UBQLN4: variants seen among roughly 807,000 people sequenced by gnomAD.
UBQLN4 encodes the protein ubiquilin-4.
A neutral mutation model predicts 60.4 loss-of-function variants in UBQLN4; 11 were observed. That is an observed-to-expected ratio of 0.18 (90% CI 0.11 to 0.30). The LOEUF (loss-of-function observed/expected upper bound fraction) is 0.30. UBQLN4 is among the 10% of genes least tolerant of loss of function. UBQLN4 has a pLI of 1.00. For missense variants in UBQLN4, 417 were observed against 795.5 expected, an observed-to-expected ratio of 0.52 and a Z score of 5.72; for synonymous variants, 258 against 313.1, an observed-to-expected ratio of 0.82 and a Z score of 1.86.
At position 156,052,452 on chromosome 1, in the gene UBQLN4, G is replaced by A. The variant is rs978863306; in HGVS notation, c.109-595C>T. 3.9e-5 allele frequency among the ~76,000 whole-genome samples: 6 copies of A among 152,134 alleles called. No individual in the cohort carries two copies. The East Asian group carries it at 5.8e-4, about 15-fold the overall frequency. On this transcript the variant is annotated intron_variant, in intron 1 of 10. Transcript: ENST00000368309. ...AGTGATTCTCCTGCTTCAGCCTCCC[G>A]AGTGTCTGGGACTACAGGCACACAC...
Position 156,036,391 on chromosome 1 carries a change from T to C in UBQLN4, c.*587A>G. 2.0e-6 allele frequency: 2 copies of C among 985,766 alleles called. No homozygotes were observed. Among genetic ancestry groups the C allele is most frequent in the Non-Finnish European group, 2.4e-6 (2 of 830,096 alleles). The allele number at this position is 985,766 out of a possible 1,614,324, so 61.1% of individuals were successfully genotyped here. On this transcript the variant is annotated 3_prime_UTR_variant, in exon 11 of 11. Transcript: ENST00000368309. ...CCTCTTCAGACAGGGAGAACAGGCA[T>C]CTTCCTCCTTACCCTGGAATTTCCA...
At chr1:156,034,823 T>TTATATA (rs1558083065), downstream of UBQLN4, among the ~76,000 whole-genome samples, 10 of 35,870 alleles carry the variant, frequency 2.8e-4, no homozygotes, top group Admixed American at 7.6e-4. Context: ...TCCCTTAACC[T>TTATATA]TCTATATATA....
chr1:156,051,720 G>A lies in UBQLN4; in HGVS notation c.246C>T (p.Ile82=), dbSNP rs1264607826. ...CCTGAACTTACTTCTGAGGGGTCTT[G>A]ATGACCAGATGGACAGTGAGCCCGT... The part of the protein sequence containing the change: ...IKDGLTVHLV[I]KTPQKAQDPA... Residue 82 remains isoleucine, a synonymous_variant, in exon 2 of 11, where the codon ATC becomes ATT. Transcript: ENST00000368309. 1.9e-6 allele frequency: 3 copies of A among 1,613,552 alleles called. No individual in the cohort carries two copies. The highest frequency in any genetic ancestry group is 2.7e-5 in the African/African-American group (2 of 74,900).
At position 156,051,258 on chromosome 1, in the gene UBQLN4, G is replaced by A. The variant is rs1379949225; in HGVS notation, c.330C>T (p.Thr110=). The change falls in exon 3 of 11, where the codon ACC becomes ACT. Residue 110 remains threonine (T), a synonymous_variant. Coordinates refer to ENST00000368309, the MANE Select transcript of UBQLN4 (RefSeq NM_020131.5). ...STPDPASAPS[T]TPASPATPAQ... Reference sequence around the variant, plus strand: ...CAGGGGTGGCGGGTGAAGCAGGCGTGGTGGAGGGTGCTGAGGCAGGGTCAG... The same window carrying A: ...CAGGGGTGGCGGGTGAAGCAGGCGTAGTGGAGGGTGCTGAGGCAGGGTCAG... 3.2e-6 allele frequency: 5 copies of A among 1,582,702 alleles called. No individual in the cohort carries two copies. In the African/African-American group the frequency reaches 5.4e-5, roughly 17 times the overall value.
chr1:156,038,313 G>A (rs1179456103), intron 10 of UBQLN4, among the ~76,000 whole-genome samples: 1 of 151,624 alleles, frequency 6.6e-6, no homozygotes, highest in East Asian at 1.9e-4. Context: ...GGAGGCGGAG[G>A]TGCAGTGAGC....
Position 156,051,337 on chromosome 1 carries a change from G to A in UBQLN4, c.261-10C>T. On this transcript the variant is annotated splice_polypyrimidine_tract_variant and intron_variant, in intron 2 of 10. Coordinates refer to ENST00000368309, the MANE Select transcript of UBQLN4 (RefSeq NM_020131.5). ...AGCTGGATCTTGAGCCCTGAGGACAGAGAAAGGAGAATCCTGTTGGAGTGA... is the reference window on the plus strand; with the variant it reads ...AGCTGGATCTTGAGCCCTGAGGACAAAGAAAGGAGAATCCTGTTGGAGTGA... 1 of 1,552,148 alleles carries A rather than the reference G, an allele frequency of 6.4e-7. No homozygotes were observed. Among genetic ancestry groups the A allele is most frequent in the Non-Finnish European group, 8.7e-7 (1 of 1,147,044 alleles).
rs1280410064 is a variant in UBQLN4 at position 156,050,175 on chromosome 1, G to A, written c.741+116C>T. On this transcript the variant is annotated intron_variant, in intron 4 of 10. Coordinates refer to ENST00000368309, the MANE Select transcript of UBQLN4 (RefSeq NM_020131.5). This position sits in a 1 kb window ranked among gnomAD's most constrained non-coding sequence, Gnocchi z 4.6. ...GTCTTTTCATCCCTGTACCTCCAGT[G>A]TTCAAAACTGCTGAATACACGAATG... 8.7e-6 allele frequency: 12 copies of A among 1,382,556 alleles called. No homozygotes were observed. The highest frequency in any genetic ancestry group is 1.2e-5 in the Non-Finnish European group (12 of 1,041,710). 85.6% of individuals were successfully genotyped at this position (1,382,556 alleles called of 1,614,324 possible).
At chr1:156,032,672 CAG>C (rs908140077), downstream of UBQLN4, among the ~76,000 whole-genome samples, 29 of 152,246 alleles carry the variant, frequency 1.9e-4, no homozygotes, top group African/African-American at 6.3e-4. Context: ...TCAGTTCTCA[CAG>C]AGAGATGGGC....
Position 156,041,686 on chromosome 1 carries a change from G to T in UBQLN4, c.1467-15C>A. ...AGGAGCCAAGGCTGTAGGCAAGAGA[G>T]ACCAAGAGGTAGGAGATGGCATCCA... On this transcript the variant is annotated splice_polypyrimidine_tract_variant and intron_variant, in intron 9 of 10. Coordinates refer to ENST00000368309, the MANE Select transcript of UBQLN4 (RefSeq NM_020131.5). 1 of 1,507,916 alleles carries T rather than the reference G, an allele frequency of 6.6e-7. No individual in the cohort carries two copies. The highest frequency in any genetic ancestry group is 1.3e-5 in the South Asian group (1 of 76,120). 93.4% of individuals were successfully genotyped at this position (1,507,916 alleles called of 1,614,324 possible).
chr1:156,034,913 G>A (rs1006881019), downstream of UBQLN4, among the ~76,000 whole-genome samples: 2 of 133,248 alleles, frequency 1.5e-5, no homozygotes, highest in East Asian at 4.1e-4. Flanking sequence ...TTGTCTCCCA[G>A]GCTGGAGTGC....
downstream of UBQLN4, among the ~76,000 whole-genome samples, chr1:156,034,113 T>C (rs753780435): frequency 6.6e-6 from 1 of 151,492 alleles, no homozygotes; most frequent in Non-Finnish European, 1.5e-5. Flanking sequence ...CACTCTTGGC[T>C]TATTCATGTT....
At chr1:156,044,447 C>T (rs922539625) in intron 5 of UBQLN4, among the ~76,000 whole-genome samples, 1 of 152,098 alleles carries the variant, frequency 6.6e-6, no homozygotes, top group Non-Finnish European at 1.5e-5. Flanking sequence ...AACTGAACCT[C>T]TCAGATAATT....
chr1:156,047,670 C>T (rs187750726), intron 5 of UBQLN4, among the ~76,000 whole-genome samples: 19 of 150,916 alleles, frequency 1.3e-4, no homozygotes, highest in African/African-American at 2.2e-4. Flanking sequence ...CCAAGGTGGG[C>T]GGATCATGAG....
Position 156,050,354 on chromosome 1 carries a change from C to T in UBQLN4, c.678G>A (p.Gln226=). ...TCTCAGGGTTCCGCTCCATCAACTG[C>T]TGCATCTGGGGGTTGGCCATAATCA... is the stretch of plus-strand genomic sequence containing the variant. ...RHMIMANPQM[Q]QLMERNPEIS... The change falls in exon 4 of 11, where the codon CAG becomes CAA. Residue 226 remains glutamine, a synonymous_variant. Coordinates refer to ENST00000368309, the MANE Select transcript of UBQLN4 (RefSeq NM_020131.5). The surrounding 1 kb of genome is among the most constrained non-coding windows in gnomAD (Gnocchi z 4.6). The T allele has an allele frequency of 6.2e-7, 1 of 1,611,954 alleles. No homozygotes were observed. The highest frequency in any genetic ancestry group is 8.5e-7 in the Non-Finnish European group (1 of 1,178,278).
chr1:156,039,810 GC>G (rs1558085461), intron 10 of UBQLN4, among the ~76,000 whole-genome samples: 1 of 151,412 alleles, frequency 6.6e-6, no homozygotes, highest in African/African-American at 2.4e-5. Flanking sequence ...GGTGGTGGGC[GC>G]CTTTAGTCCC....
chr1:156,042,168 T>C lies in UBQLN4; in HGVS notation c.1335A>G (p.Pro445=), dbSNP rs1683584810. The C allele has an allele frequency of 6.2e-7, 1 of 1,606,714 alleles. No homozygotes were observed. The highest frequency in any genetic ancestry group is 8.5e-7 in the Non-Finnish European group (1 of 1,177,258). The change falls in exon 8 of 11, where the codon CCA becomes CCG. Residue 445 remains proline, a synonymous_variant. Transcript: ENST00000368309. Reference sequence around the variant, plus strand: ...CCTCACTCACCTGCTGCAGGAAGACTGGGAGCTGCAGGCGGAGCTGCTCCT... The same window carrying C: ...CCTCACTCACCTGCTGCAGGAAGACCGGGAGCTGCAGGCGGAGCTGCTCCT... The part of the protein sequence containing the change: ...QLQEQLRLQL[P]VFLQQMQNPE...
chr1:156,048,721 G>A lies in UBQLN4; in HGVS notation c.742-62C>T. ...CAGGGGAGCACCAACCTAGGAAAAG[G>A]GTGGGCCTTGAGGAAGGGGGGTCTG... On this transcript the variant is annotated intron_variant, in intron 4 of 10. Transcript: ENST00000368309. The surrounding 1 kb of genome is among the most constrained non-coding windows in gnomAD (Gnocchi z 4.9). The A allele has an allele frequency of 6.4e-7, 1 of 1,566,828 alleles. No homozygotes were observed. The highest frequency in any genetic ancestry group is 8.7e-7 in the Non-Finnish European group (1 of 1,147,566).
At position 156,035,356 on chromosome 1, in the gene UBQLN4, G is replaced by A. The variant is rs923431708; in HGVS notation, c.*1622C>T. ...AAGGCCAGTGTGGGAGCTGGGGGAG[G>A]CAGGGAGGGAAAGCCACACAGACAT... is the stretch of plus-strand genomic sequence containing the variant. On this transcript the variant is annotated 3_prime_UTR_variant, in exon 11 of 11. Transcript: ENST00000368309. The A allele has an allele frequency of 1.0e-4, 101 of 985,158 alleles. No homozygotes were observed. Among genetic ancestry groups the A allele is most frequent in the Non-Finnish European group, 1.2e-4 (99 of 829,884 alleles). The allele number at this position is 985,158 out of a possible 1,614,324, so 61.0% of individuals were successfully genotyped here.
At position 156,035,631 on chromosome 1, in the gene UBQLN4, G is replaced by A; in HGVS notation, c.*1347C>T. 8 of 983,148 alleles carry A rather than the reference G, an allele frequency of 8.1e-6. No homozygotes were observed. The highest frequency in any genetic ancestry group is 8.5e-6 in the Non-Finnish European group (7 of 828,244). 60.9% of individuals were successfully genotyped at this position (983,148 alleles called of 1,614,324 possible). On this transcript the variant is annotated 3_prime_UTR_variant, in exon 11 of 11. Coordinates refer to ENST00000368309, the MANE Select transcript of UBQLN4 (RefSeq NM_020131.5). ...GGAGGGAAATAGTTAAGAACTGAAA[G>A]GCCAGGGGCTCTGGAGGAAAAAAAC...
Sources: gnomAD v4.1 joint callset for allele counts (sites outside exome capture counted in the v4.1 genomes callset) on GRCh38, gnomAD v4.1.1 for gene constraint, Gnocchi (gnomAD v3.1) non-coding constraint, MANE v1.5 for transcripts, NCBI Gene and HGNC (gene_info 2026-07-23, HGNC 2026-07-21) for gene names.